The following DNAH12 variants were observed in gnomAD, a reference collection of about 807,000 sequenced individuals.
DNAH12 encodes the protein axonemal beta dynein heavy chain 12.
Under a neutral mutation model 371.5 loss-of-function variants are expected in DNAH12, and 285 were observed. The observed-to-expected ratio is 0.77, with a 90% confidence interval of 0.70 to 0.85. DNAH12 has a LOEUF of 0.85. Ranked by LOEUF, DNAH12 falls within the 40% of genes least tolerant of loss-of-function variation. The pLI, the probability that DNAH12 is intolerant of heterozygous loss-of-function variation, is 0.00. For synonymous variants in DNAH12, 1,200 were observed against 1,213.0 expected (o/e 0.99, Z 0.22); for missense variants, 3,611 against 3,689.4 (o/e 0.98, Z 0.55).
chr3:57,341,102 T>C (rs1445663729), intron 60 of DNAH12, among the ~76,000 whole-genome samples: 1 of 152,024 alleles, frequency 6.6e-6, no homozygotes, highest in Non-Finnish European at 1.5e-5. Flanking sequence ...AAACTCTCAA[T>C]AAATTAGGCA....
At chr3:57,552,645 C>T in the DNAH12 span, among the ~76,000 whole-genome samples, 1 of 152,174 alleles carries the variant, frequency 6.6e-6, no homozygotes, top group African/African-American at 2.4e-5. Context: ...TGTCTCATCT[C>T]ATACTGCTAA....
In DNAH12 at chr3:57,334,557, C is replaced by T; in HGVS notation, c.9886G>A (p.Glu3296Lys). The stretch of plus-strand genomic sequence containing the variant: ...GCTGGAAATTTAGCATTATGTGGCT[C>T]TTTACTGTCATAGATTTCTCGCCAT... ...YEWREIYDSK[E>K]PHNAKFPAPM... The change falls in exon 62 of 74, where the codon GAG becomes AAG. Residue 3296 changes from glutamate to lysine, a missense_variant. Coordinates refer to ENST00000495027, the MANE Select transcript of DNAH12 (RefSeq NM_001366028.2). 3 of 1,550,716 alleles carry T rather than the reference C, an allele frequency of 1.9e-6. No individual in the cohort carries two copies. The highest frequency in any genetic ancestry group is 1.7e-6 in the Non-Finnish European group (2 of 1,146,852).
chr3:57,442,679 A>T (rs17058193), intron 29 of DNAH12, among the ~76,000 whole-genome samples: 1,567 of 152,300 alleles, frequency 0.01, 19 homozygotes, highest in African/African-American at 0.036. Context: ...TATTCATAAG[A>T]GTACATAAGA....
At chr3:57,445,547 A>AATT in intron 27 of DNAH12, 128 bp from the exon 28 acceptor site, 1 of 825,986 alleles carries the variant, frequency 1.2e-6, no homozygotes, top group Non-Finnish European at 1.6e-6. Flanking sequence ...TCTAAACTCT[A>AATT]ATTTTTTTTA....
intron 65 of DNAH12, among the ~76,000 whole-genome samples, chr3:57,321,609 G>T (rs1331761957): frequency 6.6e-6 from 1 of 152,124 alleles, no homozygotes; most frequent in Non-Finnish European, 1.5e-5. Context: ...TCTTAGAAGT[G>T]AGCTTCTTAC....
chr3:57,312,898 T>G (rs2061609454), intron 66 of DNAH12, among the ~76,000 whole-genome samples: 1 of 152,242 alleles, frequency 6.6e-6, no homozygotes, highest in Non-Finnish European at 1.5e-5. Context: ...TATCAACTAT[T>G]TCTATACAAA....
At chr3:57,518,327 C>A (rs946468733) in intron 4 of DNAH12, among the ~76,000 whole-genome samples, 2 of 152,090 alleles carry the variant, frequency 1.3e-5, no homozygotes, top group African/African-American at 2.4e-5. Flanking sequence ...GAGTTTGAGA[C>A]CAGCTTGGCC....
At chr3:57,303,369 T>A (rs2061403022) in intron 69 of DNAH12, among the ~76,000 whole-genome samples, 2 of 147,042 alleles carry the variant, frequency 1.4e-5, no homozygotes, top group African/African-American at 2.5e-5. Flanking sequence ...AGATACCCTC[T>A]CTTCTGAGAC....
At chr3:57,450,965 G>T (rs923928083) in intron 25 of DNAH12, among the ~76,000 whole-genome samples, 1 of 152,198 alleles carries the variant, frequency 6.6e-6, no homozygotes, top group Non-Finnish European at 1.5e-5. Flanking sequence ...CTTAGTCAAT[G>T]ACATTAAACG....
At chr3:57,463,243 C>A (rs1039937934) in intron 17 of DNAH12, among the ~76,000 whole-genome samples, 1 of 150,922 alleles carries the variant, frequency 6.6e-6, no homozygotes, top group Non-Finnish European at 1.5e-5. Flanking sequence ...TACTGCACTC[C>A]GGCCTGGGTG....
At chr3:57,357,721 C>T (rs2062832163) in intron 58 of DNAH12, among the ~76,000 whole-genome samples, 1 of 152,184 alleles carries the variant, frequency 6.6e-6, no homozygotes, top group Non-Finnish European at 1.5e-5. Flanking sequence ...CTACTGTAGT[C>T]ATTCACCTTC....
intron 19 of DNAH12, among the ~76,000 whole-genome samples, chr3:57,461,029 T>C (rs149338377): frequency 0.026 from 3,987 of 152,304 alleles, 74 homozygotes; most frequent in Non-Finnish European, 0.034. Context: ...CAATAAGATA[T>C]GAAATAATCT....
At chr3:57,423,836 T>C (rs9311648) in intron 35 of DNAH12, among the ~76,000 whole-genome samples, 84,428 of 151,784 alleles carry the variant, frequency 0.56, 24,744 homozygotes, top group African/African-American at 0.75. Context: ...TTTTTTGAGA[T>C]GGAGCAATTC....
At chr3:57,461,913 A>C (rs1001622209) in intron 18 of DNAH12, among the ~76,000 whole-genome samples, 1 of 152,208 alleles carries the variant, frequency 6.6e-6, no homozygotes, top group Non-Finnish European at 1.5e-5. Flanking sequence ...CTTGCTATGA[A>C]AACTACTGCT....
Position 57,510,945 on chromosome 3 carries a change from C to T in DNAH12, c.314G>A (p.Ser105Asn), listed in dbSNP as rs762765474. 1.2e-6 allele frequency: 2 copies of T among 1,607,122 alleles called. No individual in the cohort carries two copies. Among genetic ancestry groups the T allele is most frequent in the African/African-American group, 1.3e-5 (1 of 74,460 alleles). ...CTGCTGAATAGGTACTAAAGGACTA[C>T]TTTCTACACATTGCTTCATATAAAT... The part of the protein sequence containing the change: ...NYIYMKQCVE[S>N]SPLVPIQQEW... Residue 105 changes from serine (S) to asparagine (N), a missense_variant, in exon 5 of 74, where the codon AGT (serine) becomes AAT (asparagine). This residue lies in a region of DNAH12 where 1,314 missense variants were observed against 1,398.7 expected (regional missense o/e 0.94). Transcript: ENST00000495027.
intron 49 of DNAH12, among the ~76,000 whole-genome samples, chr3:57,382,704 C>G (rs1463815602): frequency 6.6e-6 from 1 of 151,916 alleles, no homozygotes; most frequent in Non-Finnish European, 1.5e-5. Flanking sequence ...CACACCCATA[C>G]GTGGAACCTA....
At chr3:57,388,541 T>G (rs1341613107) in intron 45 of DNAH12, among the ~76,000 whole-genome samples, 1 of 117,676 alleles carries the variant, frequency 8.5e-6, no homozygotes, top group African/African-American at 3.3e-5. Flanking sequence ...GTGATCCAAT[T>G]GTACCAATAT....
chr3:57,498,543 A>G lies in DNAH12; in HGVS notation c.1335+2778T>C, dbSNP rs1177798783. 3.9e-5 allele frequency: 28 copies of G among 717,036 alleles called. 1 individual carries two copies. In the East Asian group the frequency reaches 6.7e-4, roughly 17 times the overall value. 44.4% of individuals were successfully genotyped at this position (717,036 alleles called of 1,614,324 possible). ...TACCACCCAGCAATCCAGCTCCTAGAAAGAGAAATGAAAGCATATGTCCGC... is the reference window on the plus strand; with the variant it reads ...TACCACCCAGCAATCCAGCTCCTAGGAAGAGAAATGAAAGCATATGTCCGC... On this transcript the variant is annotated intron_variant, in intron 11 of 73. Transcript: ENST00000495027.
At chr3:57,509,810 T>C (rs2153393659) in intron 5 of DNAH12, among the ~76,000 whole-genome samples, 1 of 135,550 alleles carries the variant, frequency 7.4e-6, no homozygotes, top group Middle Eastern at 4.8e-3. Flanking sequence ...TGCAGTGAGC[T>C]GAGATTGCAC....
Sources: gnomAD v4.1 joint callset for allele counts (sites outside exome capture counted in the v4.1 genomes callset) on GRCh38, gnomAD v4.1.1 for gene constraint, gnomAD v4.1.1 regional missense constraint, MANE v1.5 for transcripts, NCBI Gene and HGNC (gene_info 2026-07-23, HGNC 2026-07-21) for gene names.